Variants in ZSWIM6 observed in about 807,000 individuals in gnomAD.
ZSWIM6 encodes zinc finger SWIM domain-containing protein 6.
ZSWIM6 carries 9 observed loss-of-function variants against 113.2 expected under a neutral mutation model. That is an observed-to-expected ratio of 0.08 (90% CI 0.05 to 0.14). ZSWIM6 has a LOEUF of 0.14. Ranked by LOEUF, ZSWIM6 falls within the 10% of genes least tolerant of loss-of-function variation. The pLI, the probability that ZSWIM6 is intolerant of heterozygous loss-of-function variation, is 1.00. For synonymous variants in ZSWIM6, 611 were observed against 606.5 expected (o/e 1.01, Z -0.11); for missense variants, 1,162 against 1,552.2 (o/e 0.75, Z 4.22).
intron 1 of ZSWIM6, among the ~76,000 whole-genome samples, chr5:61,442,025 C>G (rs1746848348): frequency 6.6e-6 from 1 of 152,068 alleles, no homozygotes; most frequent in African/African-American, 2.4e-5. Flanking sequence ...AGAAATGTAA[C>G]CATGTGTGGG....
At chr5:61,444,160 A>C (rs1464571093) in intron 1 of ZSWIM6, among the ~76,000 whole-genome samples, 3 of 129,220 alleles carry the variant, frequency 2.3e-5, no homozygotes, top group Non-Finnish European at 4.6e-5. Context: ...ATGTGTTCTC[A>C]TTGTTCAATT....
chr5:61,332,354 A>AGCGGCG lies in ZSWIM6; in HGVS notation c.95_100dup (p.Gly32_Gly33dup), dbSNP rs528020839. 2.1e-4 allele frequency: 210 copies of AGCGGCG among 1,004,978 alleles called. No individual in the cohort carries two copies. Among genetic ancestry groups the AGCGGCG allele is most frequent in the Admixed American group, 5.3e-4 (9 of 16,954 alleles). The allele number at this position is 1,004,978 out of a possible 1,614,324, so 62.3% of individuals were successfully genotyped here. A position where few individuals can be genotyped will look rare whatever the true frequency, so the allele number is the denominator to read the frequency against. On this transcript the variant is annotated inframe_insertion, in exon 1 of 14. Coordinates refer to ENST00000252744, the MANE Select transcript of ZSWIM6 (RefSeq NM_020928.2). Reference sequence around the variant, plus strand: ...CGGCGGCGGCGGCGGCGGGGGCAGCAGCGGCGGCGGCGGCGGCGCGGGTGG... The same window carrying AGCGGCG: ...CGGCGGCGGCGGCGGCGGGGGCAGCAGCGGCGGCGGCGGCGGCGGCGGCGCGGGTGG...
intron 1 of ZSWIM6, among the ~76,000 whole-genome samples, chr5:61,435,799 T>A (rs537693441): frequency 2.6e-5 from 4 of 152,350 alleles, no homozygotes; most frequent in Admixed American, 6.5e-5. Flanking sequence ...GATTTTTTTT[T>A]AATTTTTTGA....
intron 1 of ZSWIM6, among the ~76,000 whole-genome samples, chr5:61,360,065 A>T (rs1745001214): frequency 6.6e-6 from 1 of 152,086 alleles, no homozygotes; most frequent in African/African-American, 2.4e-5. Flanking sequence ...AGTAAAAAGG[A>T]GAAGAGGATG....
intron 1 of ZSWIM6, among the ~76,000 whole-genome samples, chr5:61,344,524 C>T (rs1744615651): frequency 6.6e-6 from 1 of 152,144 alleles, no homozygotes; most frequent in African/African-American, 2.4e-5. Context: ...TCTGTCCTTT[C>T]CTTTCTTGGG....
Position 61,332,617 on chromosome 5 carries a change from C to T in ZSWIM6, c.345C>T (p.Pro115=), listed in dbSNP as rs763408789. The change falls in exon 1 of 14, where the codon CCC becomes CCT. Residue 115 remains proline (P), a synonymous_variant. Coordinates refer to ENST00000252744, the MANE Select transcript of ZSWIM6 (RefSeq NM_020928.2). ...GCCGCATAGTCTATTGGTCCTTCCCCCGCAGCGAGCGGGAGATCTGCATGT... is the reference window on the plus strand; with the variant it reads ...GCCGCATAGTCTATTGGTCCTTCCCTCGCAGCGAGCGGGAGATCTGCATGT... ...VQRRIVYWSF[P]RSEREICMYS... 7.9e-6 allele frequency: 10 copies of T among 1,264,642 alleles called. No individual in the cohort carries two copies. The South Asian group carries it at 1.4e-4, about 18-fold the overall frequency. 78.3% of individuals were successfully genotyped at this position (1,264,642 alleles called of 1,614,324 possible). A position where few individuals can be genotyped will look rare whatever the true frequency, so the allele number is the denominator to read the frequency against.
At chr5:61,421,508 A>G (rs1746354440) in intron 1 of ZSWIM6, among the ~76,000 whole-genome samples, 1 of 152,160 alleles carries the variant, frequency 6.6e-6, no homozygotes, top group Admixed American at 6.5e-5. Flanking sequence ...TTTTAGGTTC[A>G]GGGGTACATG....
At chr5:61,381,114 G>C (rs1427400398) in intron 1 of ZSWIM6, among the ~76,000 whole-genome samples, 1 of 152,124 alleles carries the variant, frequency 6.6e-6, no homozygotes, top group African/African-American at 2.4e-5. Flanking sequence ...TTAGCTGGGC[G>C]TGGTGGCACG....
chr5:61,531,810 G>T, intron 9 of ZSWIM6, 85 bp downstream of exon 9: 1 of 1,426,740 alleles, frequency 7.0e-7, no homozygotes, highest in South Asian at 1.4e-5. Context: ...CTATCTGAAT[G>T]CATTTAATAT....
chr5:61,365,021 C>T (rs1745121501), intron 1 of ZSWIM6, among the ~76,000 whole-genome samples: 2 of 152,138 alleles, frequency 1.3e-5, no homozygotes, highest in East Asian at 3.9e-4. Context: ...AGTTTGCTGA[C>T]CCCTGCCCTA....
At position 61,332,422 on chromosome 5, in the gene ZSWIM6, CGCGGCGGCG is replaced by C. The variant is rs779283808; in HGVS notation, c.160_168del (p.Ala54_Ala56del). On this transcript the variant is annotated inframe_deletion, in exon 1 of 14. Transcript: ENST00000252744. ...GTCGGCCAGGCCCGCGGGCGGGTGGCGCGGCGGCGGCGGCGGCGTGCGGGGGCGGCGCGG... is the reference window on the plus strand; with the variant it reads ...GTCGGCCAGGCCCGCGGGCGGGTGGCGCGGCGGCGTGCGGGGGCGGCGCGG... 736 of 995,326 alleles carry C rather than the reference CGCGGCGGCG, an allele frequency of 7.4e-4. No individual in the cohort carries two copies. The highest frequency in any genetic ancestry group is 8.5e-4 in the Non-Finnish European group (711 of 839,854). 61.7% of individuals were successfully genotyped at this position (995,326 alleles called of 1,614,324 possible).
chr5:61,364,938 G>C (rs148087035), intron 1 of ZSWIM6, among the ~76,000 whole-genome samples: 6 of 152,316 alleles, frequency 3.9e-5, no homozygotes, highest in African/African-American at 1.4e-4. Context: ...TCTAATGGCA[G>C]AGTTGAGTAG....
At chr5:61,507,724 C>T (rs886586384) in intron 4 of ZSWIM6, among the ~76,000 whole-genome samples, 1 of 152,076 alleles carries the variant, frequency 6.6e-6, no homozygotes, top group African/African-American at 2.4e-5. Context: ...ATGGGAGAGA[C>T]ATGTTCTAAG....
intron 4 of ZSWIM6, among the ~76,000 whole-genome samples, chr5:61,512,926 C>T (rs1748828778): frequency 6.6e-6 from 1 of 151,842 alleles, no homozygotes; most frequent in Admixed American, 6.6e-5. Context: ...TTATCAATAT[C>T]CCCCACCAGA....
intron 1 of ZSWIM6, among the ~76,000 whole-genome samples, chr5:61,396,485 C>T (rs964214695): frequency 6.7e-6 from 1 of 148,804 alleles, no homozygotes; most frequent in African/African-American, 2.5e-5. Context: ...GAGCCGACAT[C>T]GCGCCACTGC....
At chr5:61,477,504 A>G (rs1013149603) in intron 2 of ZSWIM6, among the ~76,000 whole-genome samples, 2 of 152,218 alleles carry the variant, frequency 1.3e-5, no homozygotes, top group African/African-American at 4.8e-5. Context: ...TACCTTCTGT[A>G]GCTTCACCCA....
intron 3 of ZSWIM6, among the ~76,000 whole-genome samples, chr5:61,491,793 A>G (rs374732448): frequency 6.7e-6 from 1 of 148,702 alleles, no homozygotes; most frequent in African/African-American, 2.5e-5. Flanking sequence ...TATCTTCTCT[A>G]ATATTTGTTA....
At chr5:61,447,573 C>T (rs1216993954) in intron 1 of ZSWIM6, among the ~76,000 whole-genome samples, 4 of 152,032 alleles carry the variant, frequency 2.6e-5, no homozygotes, top group African/African-American at 7.3e-5. Context: ...CAGGCAGCAG[C>T]GTGGCCAAAG....
At chr5:61,347,757 A>G (rs1744690199) in intron 1 of ZSWIM6, 1 of 152,250 alleles carries the variant, frequency 6.6e-6, no homozygotes, top group Non-Finnish European at 1.5e-5. Context: ...CTAATTTATG[A>G]TAGAATGTCC....
Sources: gnomAD v4.1 joint callset for allele counts (sites outside exome capture counted in the v4.1 genomes callset) on GRCh38, gnomAD v4.1.1 for gene constraint, MANE v1.5 for transcripts, NCBI Gene and HGNC (gene_info 2026-07-23, HGNC 2026-07-21) for gene names.